DNAH7: variants seen among roughly 807,000 people sequenced by gnomAD.
DNAH7 encodes the protein axonemal beta dynein heavy chain 7.
Under a neutral mutation model 444.6 loss-of-function variants are expected in DNAH7, and 397 were observed. The ratio of observed to expected loss-of-function variants is 0.89; its 90% confidence interval spans 0.82 to 0.97. The LOEUF (loss-of-function observed/expected upper bound fraction) is 0.97, where lower values mean the gene tolerates loss of function less well. Among genes scored for constraint, DNAH7 ranks in the 50% least tolerant of loss-of-function variants. The pLI is 0.00. For synonymous variants in DNAH7, 1,636 were observed against 1,624.4 expected (o/e 1.01, Z -0.17); for missense variants, 4,902 against 4,800.8 (o/e 1.02, Z -0.62).
chr2:195,757,624 T>C (rs1284305048), intron 61 of DNAH7, among the ~76,000 whole-genome samples: 1 of 152,002 alleles, frequency 6.6e-6, no homozygotes, highest in Non-Finnish European at 1.5e-5. Flanking sequence ...CCCCCAAGTG[T>C]AGAAACAAAG....
chr2:195,834,468 A>G, intron 47 of DNAH7, 108 bp from the exon 48 acceptor site: 2 of 1,234,436 alleles, frequency 1.6e-6, no homozygotes, highest in Non-Finnish European at 2.2e-6. Context: ...CTTTATTGTA[A>G]TATTTTACTT....
chr2:195,870,980 GC>G (rs1263880086), intron 40 of DNAH7, among the ~76,000 whole-genome samples: 1 of 152,004 alleles, frequency 6.6e-6, no homozygotes, highest in East Asian at 1.9e-4. Flanking sequence ...TACCCATGTG[GC>G]CCCCAAACAC....
intron 47 of DNAH7, among the ~76,000 whole-genome samples, chr2:195,843,218 T>C (rs775737540): frequency 6.6e-6 from 1 of 152,208 alleles, no homozygotes; most frequent in Non-Finnish European, 1.5e-5. Context: ...TGCCACATGT[T>C]AAGTAATTCA....
At chr2:195,833,240 AAATG>A (rs144612228) in intron 48 of DNAH7, among the ~76,000 whole-genome samples, 217 of 152,352 alleles carry the variant, frequency 1.4e-3, no homozygotes, top group African/African-American at 4.8e-3. Context: ...AACACCAATT[AAATG>A]AATGAAATAA....
At chr2:195,927,762 A>G (rs1213252421) in intron 21 of DNAH7, among the ~76,000 whole-genome samples, 1 of 151,666 alleles carries the variant, frequency 6.6e-6, no homozygotes, top group Non-Finnish European at 1.5e-5. Context: ...TGATATATAT[A>G]GAATAACATA....
intron 8 of DNAH7, among the ~76,000 whole-genome samples, chr2:196,021,866 C>G (rs766571830): frequency 6.6e-6 from 1 of 152,112 alleles, no homozygotes; most frequent in Non-Finnish European, 1.5e-5. Context: ...GTGGCTCACA[C>G]CTGTAATCCC....
chr2:196,028,096 G>T, intron 5 of DNAH7, 49 bp from the exon 6 acceptor site: 1 of 1,484,330 alleles, frequency 6.7e-7, no homozygotes, highest in Non-Finnish European at 9.3e-7. Context: ...GGGGCAGTTA[G>T]AACATAAAAC....
At chr2:195,780,610 G>A (rs2105960369) in intron 58 of DNAH7, among the ~76,000 whole-genome samples, 1 of 152,094 alleles carries the variant, frequency 6.6e-6, no homozygotes, top group South Asian at 2.1e-4. Context: ...TTAGCTGGAT[G>A]TGGTGGAGCA....
intron 63 of DNAH7, among the ~76,000 whole-genome samples, chr2:195,744,932 TTA>T (rs1693297929): frequency 6.6e-6 from 1 of 152,102 alleles, no homozygotes; most frequent in Non-Finnish European, 1.5e-5. Context: ...ACTGGAAACT[TTA>T]AAAAGCAGAG....
At chr2:195,906,579 C>A in intron 27 of DNAH7, 80 bp downstream of exon 27, 1 of 1,405,936 alleles carries the variant, frequency 7.1e-7, no homozygotes, top group Non-Finnish European at 9.7e-7. Context: ...TAGGCGTTAG[C>A]CACCACGCCC....
Position 195,891,639 on chromosome 2 carries a change from A to T in DNAH7, c.5046+16T>A. On this transcript the variant is annotated intron_variant, in intron 31 of 64. Coordinates refer to ENST00000312428, the MANE Select transcript of DNAH7 (RefSeq NM_018897.3). ...TTAACCTTTTAAGATATGCATGTGA[A>T]AGTGTTAGAACTTACCACTGAAGAG... The T allele has an allele frequency of 6.5e-7, 1 of 1,532,356 alleles. No homozygotes were observed. Among genetic ancestry groups the T allele is most frequent in the Non-Finnish European group, 8.7e-7 (1 of 1,144,416 alleles). 94.9% of individuals were successfully genotyped at this position (1,532,356 alleles called of 1,614,324 possible).
At chr2:195,974,013 G>C (rs966680177) in intron 15 of DNAH7, among the ~76,000 whole-genome samples, 7 of 152,102 alleles carry the variant, frequency 4.6e-5, no homozygotes, top group African/African-American at 1.7e-4. Context: ...GGAGGCAGTG[G>C]TTGCACTGAG....
intron 10 of DNAH7, among the ~76,000 whole-genome samples, chr2:196,011,791 T>C (rs762046763): frequency 1.3e-5 from 2 of 152,196 alleles, no homozygotes; most frequent in Admixed American, 6.5e-5. Context: ...GTTTGTACTC[T>C]ACTCTGTAAT....
At chr2:195,830,505 A>G (rs1698012976) in intron 48 of DNAH7, among the ~76,000 whole-genome samples, 1 of 152,240 alleles carries the variant, frequency 6.6e-6, no homozygotes, top group Admixed American at 6.5e-5. Flanking sequence ...AAATAGACTC[A>G]ACAGTTACTC....
chr2:195,988,831 TC>T (rs1179591554), intron 12 of DNAH7, among the ~76,000 whole-genome samples: 38 of 152,190 alleles, frequency 2.5e-4, no homozygotes, highest in Non-Finnish European at 1.2e-4. Flanking sequence ...TGTCCCCATC[TC>T]CCCCATTCCT....
At chr2:195,831,672 A>G (rs900469320) in intron 48 of DNAH7, among the ~76,000 whole-genome samples, 1 of 152,248 alleles carries the variant, frequency 6.6e-6, no homozygotes, top group African/African-American at 2.4e-5. Context: ...TTTAAAAAGT[A>G]TTTTATTCCA....
At chr2:195,982,991 C>G (rs921987002) in intron 15 of DNAH7, among the ~76,000 whole-genome samples, 2 of 152,018 alleles carry the variant, frequency 1.3e-5, no homozygotes, top group Non-Finnish European at 2.9e-5. Flanking sequence ...ATTGGATTGT[C>G]TGAAACACAA....
chr2:196,027,661 T>A (rs879317808), intron 6 of DNAH7, among the ~76,000 whole-genome samples: 1 of 151,938 alleles, frequency 6.6e-6, no homozygotes, highest in Non-Finnish European at 1.5e-5. Flanking sequence ...CATTATATAA[T>A]TATTATAGGA....
At chr2:195,939,564 G>T (rs533188552) in intron 19 of DNAH7, among the ~76,000 whole-genome samples, 4 of 152,054 alleles carry the variant, frequency 2.6e-5, no homozygotes, top group Non-Finnish European at 5.9e-5. Flanking sequence ...CTAGAAATTT[G>T]AATCTTAGTA....
Sources: allele counts gnomAD v4.1 joint callset (sites outside exome capture counted in the v4.1 genomes callset), GRCh38; gene constraint gnomAD v4.1.1; transcripts MANE v1.5; gene names NCBI Gene and HGNC (gene_info 2026-07-23, HGNC 2026-07-21).